The following LRRN2 variants were observed in gnomAD, a reference collection of about 807,000 sequenced individuals.
LRRN2 encodes leucine-rich repeat neuronal protein 2.
Under a neutral mutation model 35.7 loss-of-function variants are expected in LRRN2, and 10 were observed. That is an observed-to-expected ratio of 0.28 (90% CI 0.17 to 0.47). The LOEUF is 0.47. LRRN2 is among the 20% of genes least tolerant of loss of function. The pLI is 0.99. For synonymous variants in LRRN2, 391 were observed against 409.6 expected, an observed-to-expected ratio of 0.95 and a Z score of 0.55; for missense variants, 731 against 940.3, an observed-to-expected ratio of 0.78 and a Z score of 2.91.
rs75372906 is a variant in LRRN2, at chr1:204,642,775, C to G, written c.-226-22557G>C. 5.9e-3 allele frequency among the ~76,000 whole-genome samples: 901 copies of G among 152,298 alleles called. 11 individuals are homozygous for G. Among genetic ancestry groups the G allele is most frequent in the African/African-American group, 0.02 (850 of 41,548 alleles). On this transcript the variant is annotated intron_variant, in intron 1 of 1. Coordinates refer to ENST00000367177, the MANE Select transcript of LRRN2 (RefSeq NM_201630.2). ...ATTAGGCAGCTCTATTAAGAGCACACGTGCTTCCTGCCAGGGAGGAACATG... is the reference window on the plus strand; with the variant it reads ...ATTAGGCAGCTCTATTAAGAGCACAGGTGCTTCCTGCCAGGGAGGAACATG...
intron 1 of LRRN2, among the ~76,000 whole-genome samples, chr1:204,638,937 G>A (rs535333240): frequency 1.2e-4 from 18 of 152,334 alleles, no homozygotes; most frequent in Middle Eastern, 3.4e-3. Context: ...TGGGGGCTCC[G>A]TGAGCCTGCT....
chr1:204,676,996 T>C (rs1668838106), intron 1 of LRRN2, among the ~76,000 whole-genome samples: 1 of 152,174 alleles, frequency 6.6e-6, no homozygotes, highest in Admixed American at 6.5e-5. Flanking sequence ...CACAGCGTTA[T>C]GTGGACGAAA....
At chr1:204,660,449 AT>A (rs1191087110) in intron 1 of LRRN2, among the ~76,000 whole-genome samples, 2 of 151,750 alleles carry the variant, frequency 1.3e-5, no homozygotes, top group Non-Finnish European at 2.9e-5. Flanking sequence ...TGTCCAAAAT[AT>A]TTTTTTCCTT....
intron 1 of LRRN2, among the ~76,000 whole-genome samples, chr1:204,685,098 G>A (rs1571692732): frequency 6.6e-6 from 1 of 152,050 alleles, no homozygotes; most frequent in African/African-American, 2.4e-5. Flanking sequence ...CCAAGTCTCC[G>A]GCTCCCCCGC....
chr1:204,675,341 C>A (rs193040565), intron 1 of LRRN2, among the ~76,000 whole-genome samples: 1 of 152,358 alleles, frequency 6.6e-6, no homozygotes, highest in East Asian at 1.9e-4. Context: ...CAGATGTATT[C>A]TCTTACAGTT....
chr1:204,617,439 T>A lies in LRRN2; in HGVS notation c.*412A>T, dbSNP rs1571586760. The A allele has an allele frequency of 2.3e-5, 4 of 176,606 alleles. No individual in the cohort carries two copies. The highest frequency in any genetic ancestry group is 2.2e-4 in the Admixed American group (4 of 18,538). The allele number at this position is 176,606 out of a possible 1,614,324, so 10.9% of individuals were successfully genotyped here. A position where few individuals can be genotyped will look rare whatever the true frequency, so the allele number is the denominator to read the frequency against. ...CCCCCCGAGGTGAGATGGAGTGGCC[T>A]CCTTCAGCCCTTGCCCAGGAGGCAC... is the stretch of plus-strand genomic sequence containing the variant. On this transcript the variant is annotated 3_prime_UTR_variant, in exon 2 of 2. Transcript: ENST00000367177.
Position 204,654,054 on chromosome 1 carries a change from A to T in LRRN2, c.-227+31266T>A, listed in dbSNP as rs1002788917. Among the ~76,000 whole-genome samples, 9 of 147,290 alleles carry T rather than the reference A, an allele frequency of 6.1e-5. No individual in the cohort carries two copies. The East Asian group carries it at 1.4e-3, about 23-fold the overall frequency. Reference sequence around the variant, plus strand: ...CTGACAAAAAAAAAAAAAAAAAAAAAGGATCTAGAGATTAAGTAACCTGCC... The same window carrying T: ...CTGACAAAAAAAAAAAAAAAAAAAATGGATCTAGAGATTAAGTAACCTGCC... On this transcript the variant is annotated intron_variant, in intron 1 of 1. Coordinates refer to ENST00000367177, the MANE Select transcript of LRRN2 (RefSeq NM_201630.2).
intron 1 of LRRN2, among the ~76,000 whole-genome samples, chr1:204,657,970 CTTTTTTTTTTT>C (rs56792483): frequency 1.3e-5 from 1 of 75,258 alleles, no homozygotes; most frequent in East Asian, 3.9e-4. Context: ...GCCAATGGTT[CTTTTTTTTTTT>C]TTTTTTTTTT....
In LRRN2 at chr1:204,618,063, C is replaced by G; in HGVS notation, c.1930G>C (p.Ala644Pro). 1.2e-6 allele frequency: 2 copies of G among 1,613,690 alleles called. No homozygotes were observed. Among genetic ancestry groups the G allele is most frequent in the Non-Finnish European group, 1.7e-6 (2 of 1,179,810 alleles). The change falls in exon 2 of 2, where the codon GCT becomes CCT. Residue 644 changes from alanine to proline, a missense_variant. Ala to Pro is a conservative substitution (Grantham distance 27). Transcript: ENST00000367177. The stretch of plus-strand genomic sequence containing the variant: ...GTGCCAAGGTGGGCCGCTAGCCCAG[C>G]TGCCAGGAGAAGGACAGCGAGAGCC... ...ILALAVLLLA[A>P]GLAAHLGTGQ...
At chr1:204,674,045 G>GC (rs1475839485) in intron 1 of LRRN2, among the ~76,000 whole-genome samples, 1 of 152,092 alleles carries the variant, frequency 6.6e-6, no homozygotes, top group East Asian at 1.9e-4. Flanking sequence ...GCGGCTGTCA[G>GC]CCCCCCATGC....
chr1:204,675,824 G>T (rs553387735), intron 1 of LRRN2, among the ~76,000 whole-genome samples: 4 of 152,202 alleles, frequency 2.6e-5, no homozygotes, highest in African/African-American at 9.7e-5. Context: ...GAACCAGAGC[G>T]CTTCCTGTTG....
At chr1:204,674,527 G>A (rs1410008772) in intron 1 of LRRN2, among the ~76,000 whole-genome samples, 1 of 152,138 alleles carries the variant, frequency 6.6e-6, no homozygotes, top group East Asian at 1.9e-4. Flanking sequence ...CGCACTACTG[G>A]GGCACTGATT....
intron 1 of LRRN2, chr1:204,620,502 T>A (rs1351690564): frequency 1.1e-5 from 2 of 181,150 alleles, no homozygotes; most frequent in African/African-American, 4.8e-5. Flanking sequence ...CTCGAACTCC[T>A]GACCTCAAGT....
chr1:204,684,890 C>A (rs745784453), intron 1 of LRRN2, among the ~76,000 whole-genome samples: 6 of 152,224 alleles, frequency 3.9e-5, no homozygotes, highest in Non-Finnish European at 5.9e-5. Context: ...TTCCAGCCTG[C>A]CAGTCCGCCC....
Position 204,618,890 on chromosome 1 carries a change from C to A in LRRN2, c.1103G>T (p.Gly368Val). The change falls in exon 2 of 2, where the codon GGC becomes GTC. Residue 368 changes from glycine (G) to valine (V), a missense_variant. This residue lies in a region of LRRN2 where 256 missense variants were observed against 392.4 expected (regional missense o/e 0.65). Transcript: ENST00000367177. The stretch of plus-strand genomic sequence containing the variant: ...GACACAGTCACAGCGGATGGGGTTG[C>A]CGTGGAGACCTACCTCCTGCAGGTT... ...LPNLQEVGLH[G>V]NPIRCDCVIR... is the part of the protein sequence containing the mutation. 1 of 1,614,148 alleles carries A rather than the reference C, an allele frequency of 6.2e-7. No homozygotes were observed. Among genetic ancestry groups the A allele is most frequent in the East Asian group, 2.2e-5 (1 of 44,882 alleles).
At chr1:204,662,853 A>T (rs1668499425) in intron 1 of LRRN2, among the ~76,000 whole-genome samples, 1 of 152,116 alleles carries the variant, frequency 6.6e-6, no homozygotes, top group Admixed American at 6.5e-5. Context: ...CCCTACTTAC[A>T]GCCTGGTTTC....
intron 1 of LRRN2, among the ~76,000 whole-genome samples, chr1:204,680,444 C>T (rs946191704): frequency 8.5e-5 from 13 of 152,296 alleles, no homozygotes; most frequent in African/African-American, 2.2e-4. Context: ...CAGAAAAAAA[C>T]GAATTCCAAA....
chr1:204,656,056 C>T lies in LRRN2; in HGVS notation c.-227+29264G>A, dbSNP rs1668347886. 2.0e-5 allele frequency among the ~76,000 whole-genome samples: 3 copies of T among 151,070 alleles called. No individual in the cohort carries two copies. In the South Asian group the frequency reaches 6.4e-4, roughly 32 times the overall value. ...TCCCCAGTAGCTGGGACTACAGGCG[C>T]CCGCCACCACGCCCGGCTAATTTTT... is the stretch of plus-strand genomic sequence containing the variant. On this transcript the variant is annotated intron_variant, in intron 1 of 1. Coordinates refer to ENST00000367177, the MANE Select transcript of LRRN2 (RefSeq NM_201630.2).
At chr1:204,653,936 T>C (rs1668287926) in intron 1 of LRRN2, among the ~76,000 whole-genome samples, 2 of 148,976 alleles carry the variant, frequency 1.3e-5, no homozygotes, top group Admixed American at 1.4e-4. Flanking sequence ...CTCAGGAGGC[T>C]GATGTGGAAG....
Sources: gnomAD v4.1 joint callset for allele counts (sites outside exome capture counted in the v4.1 genomes callset) on GRCh38, gnomAD v4.1.1 for gene constraint, gnomAD v4.1.1 regional missense constraint, MANE v1.5 for transcripts, NCBI Gene and HGNC (gene_info 2026-07-23, HGNC 2026-07-21) for gene names.